DYM: variants seen among roughly 807,000 people sequenced by gnomAD.
The protein encoded by DYM is dyggve-Melchior-Clausen syndrome protein.
In DYM, 78 loss-of-function variants were observed where a neutral mutation model predicts 93.1. That is an observed-to-expected ratio of 0.84 (90% CI 0.70 to 1.01). The LOEUF is 1.01. Ranked by LOEUF, DYM falls within the 50% of genes least tolerant of loss-of-function variation. DYM has a pLI of 0.00. For missense variants in DYM, 789 were observed against 845.0 expected (o/e 0.93, Z 0.82); for synonymous variants, 321 against 319.7 (o/e 1.00, Z -0.04).
At chr18:49,206,824 C>T (rs945936621) in intron 14 of DYM, among the ~76,000 whole-genome samples, 1 of 152,190 alleles carries the variant, frequency 6.6e-6, no homozygotes, top group Non-Finnish European at 1.5e-5. Context: ...AGGCTTCATA[C>T]TGTAAACCCC....
At chr18:49,169,095 C>G (rs1380068649) in intron 14 of DYM, among the ~76,000 whole-genome samples, 1 of 152,088 alleles carries the variant, frequency 6.6e-6, no homozygotes, top group Non-Finnish European at 1.5e-5. Flanking sequence ...AAATATTTAC[C>G]CAGCGCCTAG....
intron 13 of DYM, among the ~76,000 whole-genome samples, chr18:49,218,168 A>G (rs1354007985): frequency 3.3e-5 from 5 of 152,240 alleles, no homozygotes; most frequent in African/African-American, 1.2e-4. Context: ...AGGCCATTAC[A>G]TAATGGTAAA....
intron 10 of DYM, among the ~76,000 whole-genome samples, chr18:49,277,751 GAACT>G (rs1402846797): frequency 3.0e-4 from 46 of 152,330 alleles, no homozygotes; most frequent in Admixed American, 2.3e-3. Context: ...CCAGCCTACA[GAACT>G]ACGAGAAATA....
At chr18:49,424,864 T>C (rs767482504) in intron 2 of DYM, among the ~76,000 whole-genome samples, 1 of 151,962 alleles carries the variant, frequency 6.6e-6, no homozygotes, top group Non-Finnish European at 1.5e-5. Flanking sequence ...TCAAGGAGAA[T>C]TACAAACCAC....
At chr18:49,298,217 G>A (rs780614661) in intron 8 of DYM, among the ~76,000 whole-genome samples, 3 of 152,070 alleles carry the variant, frequency 2.0e-5, no homozygotes, top group Non-Finnish European at 2.9e-5. Context: ...ACACATGGGC[G>A]AACAAAGAAA....
intron 14 of DYM, among the ~76,000 whole-genome samples, chr18:49,188,446 T>C (rs1167025190): frequency 6.6e-6 from 1 of 152,196 alleles, no homozygotes; most frequent in East Asian, 1.9e-4. Flanking sequence ...CTCTAAGATC[T>C]GGCTGTTCAT....
intron 16 of DYM, among the ~76,000 whole-genome samples, chr18:49,105,105 C>A (rs1450360374): frequency 6.6e-6 from 1 of 152,170 alleles, no homozygotes; most frequent in Non-Finnish European, 1.5e-5. Context: ...TTGGTCTATT[C>A]AGAGATTCAA....
In DYM at chr18:49,257,007, T is replaced by C. The variant is rs759122890; in HGVS notation, c.1460+3A>G. 2 of 1,610,186 alleles carry C rather than the reference T, an allele frequency of 1.2e-6. No individual in the cohort carries two copies. The highest frequency in any genetic ancestry group is 2.2e-5 in the South Asian group (2 of 90,990). ...CAGTATTTCTTTTAAAGTTCATATT[T>C]ACCTGATGATCCTCTGGGCAGCATA... On this transcript the variant is annotated splice_donor_region_variant and intron_variant, in intron 13 of 17. Transcript: ENST00000675505.
chr18:49,078,736 G>C (rs1006306646), intron 17 of DYM, among the ~76,000 whole-genome samples: 6 of 152,196 alleles, frequency 3.9e-5, no homozygotes, highest in Non-Finnish European at 7.3e-5. Context: ...GGGAGGAAGG[G>C]AAGAAGGCAA....
chr18:49,164,341 A>G (rs894683786), intron 14 of DYM, among the ~76,000 whole-genome samples: 2 of 152,114 alleles, frequency 1.3e-5, no homozygotes, highest in South Asian at 4.1e-4. Context: ...TGAAAACTAA[A>G]AAAAAAAAAT....
chr18:49,115,404 C>A (rs1048792237), intron 16 of DYM, among the ~76,000 whole-genome samples: 1 of 152,120 alleles, frequency 6.6e-6, no homozygotes, highest in Non-Finnish European at 1.5e-5. Flanking sequence ...GAGATTATTT[C>A]TCTCCCATTT....
chr18:49,163,263 G>C (rs1201166806), intron 15 of DYM, among the ~76,000 whole-genome samples: 1 of 152,070 alleles, frequency 6.6e-6, no homozygotes, highest in Non-Finnish European at 1.5e-5. Flanking sequence ...GAGGTTTCTT[G>C]GGCAGCAAAG....
intron 8 of DYM, among the ~76,000 whole-genome samples, chr18:49,297,143 T>C (rs1373471215): frequency 6.6e-6 from 1 of 152,252 alleles, no homozygotes; most frequent in Non-Finnish European, 1.5e-5. Context: ...TATTTTAAGT[T>C]GTAATACTTT....
In DYM at chr18:49,407,054, G is replaced by C. The variant is rs76459394; in HGVS notation, c.141-15409C>G. Among the ~76,000 whole-genome samples, 604 of 152,258 alleles carry C rather than the reference G, an allele frequency of 4.0e-3. 3 individuals are homozygous for C. The highest frequency in any genetic ancestry group is 0.014 in the African/African-American group (587 of 41,530). On this transcript the variant is annotated intron_variant, in intron 2 of 17. Transcript: ENST00000675505. ...AGTGAGATCCATAACAACTTCAATG[G>C]ATTTCAAGACACTATGCTGAGTGAA...
At chr18:49,214,186 T>C (rs984461185) in intron 13 of DYM, among the ~76,000 whole-genome samples, 7 of 152,208 alleles carry the variant, frequency 4.6e-5, no homozygotes, top group African/African-American at 1.4e-4. Flanking sequence ...TGTTAGGAAC[T>C]GGGCTACATA....
At chr18:49,120,416 G>A (rs888584197) in intron 15 of DYM, among the ~76,000 whole-genome samples, 3 of 152,144 alleles carry the variant, frequency 2.0e-5, no homozygotes, top group Non-Finnish European at 4.4e-5. Flanking sequence ...AAAGAAAGCA[G>A]GAGTGGCTAT....
In DYM at chr18:49,163,888, T is replaced by C. The variant is rs1040411035; in HGVS notation, c.1626-101A>G. Reference sequence around the variant, plus strand: ...CCACAGCATGTCAATTATTCTAAAATATACTTGTAAATGATTCTTTCTTCA... The same window carrying C: ...CCACAGCATGTCAATTATTCTAAAACATACTTGTAAATGATTCTTTCTTCA... On this transcript the variant is annotated intron_variant, in intron 14 of 17. Transcript: ENST00000675505. 7.8e-5 allele frequency: 52 copies of C among 669,614 alleles called. 1 individual carries two copies. The highest frequency in any genetic ancestry group is 7.3e-4 in the South Asian group (47 of 64,372). 41.5% of individuals were successfully genotyped at this position (669,614 alleles called of 1,614,324 possible).
At chr18:49,079,405 T>A (rs2584758) in intron 17 of DYM, among the ~76,000 whole-genome samples, 120,967 of 150,502 alleles carry the variant, frequency 0.8, 48,731 homozygotes, top group East Asian at 0.91. Flanking sequence ...TTTTTTTTTT[T>A]TTTATTTTTA....
At chr18:49,222,287 T>G (rs958100680) in intron 13 of DYM, among the ~76,000 whole-genome samples, 1 of 152,160 alleles carries the variant, frequency 6.6e-6, no homozygotes, top group Non-Finnish European at 1.5e-5. Context: ...TAATCTTTTT[T>G]CTTTACAAGA....
Sources: gnomAD v4.1 joint callset for allele counts (sites outside exome capture counted in the v4.1 genomes callset) on GRCh38, gnomAD v4.1.1 for gene constraint, MANE v1.5 for transcripts, NCBI Gene and HGNC (gene_info 2026-07-23, HGNC 2026-07-21) for gene names.